The following GLIS3 variants were observed in gnomAD, a reference collection of about 807,000 sequenced individuals.
The protein encoded by GLIS3 is GLIS family zinc finger 3, also known as zinc finger protein GLIS3.
A neutral mutation model predicts 78.6 loss-of-function variants in GLIS3; 53 were observed. The ratio of observed to expected loss-of-function variants is 0.67; its 90% CI spans 0.54 to 0.85. The LOEUF (loss-of-function observed/expected upper bound fraction) is 0.85, where lower values mean the gene tolerates loss of function less well. GLIS3 is among the 40% of genes least tolerant of loss of function. The pLI, the probability that GLIS3 is intolerant of heterozygous loss-of-function variation, is 0.00. For synonymous variants in GLIS3, 684 were observed against 509.9 expected, an observed-to-expected ratio of 1.34 and a Z score of -4.60; for missense variants, 1,703 against 1,231.1, an observed-to-expected ratio of 1.38 and a Z score of -5.74.
At chr9:4,089,831 A>G (rs1829343385) in intron 4 of GLIS3, among the ~76,000 whole-genome samples, 1 of 152,174 alleles carries the variant, frequency 6.6e-6, no homozygotes, top group Non-Finnish European at 1.5e-5. Context: ...CAACAACAAA[A>G]ACCCATAAAA....
the GLIS3 span, among the ~76,000 whole-genome samples, chr9:4,418,897 CCTT>C: frequency 1.6e-3 from 248 of 152,226 alleles, 1 homozygote; most frequent in South Asian, 0.024. Context: ...AACATTCAAA[CCTT>C]CTTCAAGTTG....
chr9:4,463,152 G>C, the GLIS3 span, among the ~76,000 whole-genome samples: 2 of 152,182 alleles, frequency 1.3e-5, no homozygotes, highest in South Asian at 2.1e-4. Context: ...CAGTGAATAT[G>C]TTGGTTGTCA....
chr9:4,244,541 T>C (rs1005003841), intron 2 of GLIS3, among the ~76,000 whole-genome samples: 5 of 152,250 alleles, frequency 3.3e-5, no homozygotes, highest in African/African-American at 9.6e-5. Flanking sequence ...CTGAATCAGA[T>C]GTGAGGTAGA....
chr9:4,187,600 T>A (rs754229048), intron 2 of GLIS3, among the ~76,000 whole-genome samples: 1 of 152,244 alleles, frequency 6.6e-6, no homozygotes, highest in Non-Finnish European at 1.5e-5. Context: ...ATGGCCATTT[T>A]CCCGATATTG....
chr9:3,985,084 G>C (rs1819628566), intron 4 of GLIS3, among the ~76,000 whole-genome samples: 1 of 131,044 alleles, frequency 7.6e-6, no homozygotes, highest in South Asian at 2.4e-4. Context: ...GACTAGTACA[G>C]AGCTCAATTC....
intron 4 of GLIS3, among the ~76,000 whole-genome samples, chr9:4,039,027 G>A (rs614782): frequency 0.83 from 125,575 of 152,098 alleles, 52,096 homozygotes; most frequent in African/African-American, 0.91. Context: ...GGAATCATCC[G>A]TCTCTTACAA....
rs541904279 is a variant in GLIS3, at chr9:4,102,969, G to A, written c.1710+14799C>T. On this transcript the variant is annotated intron_variant, in intron 4 of 10. Transcript: ENST00000381971. ...GAGGCAATAGAAAGGAAAAATACATGTAAAATGAAAAAAAAATCCCTATCT... is the reference window on the plus strand; with the variant it reads ...GAGGCAATAGAAAGGAAAAATACATATAAAATGAAAAAAAAATCCCTATCT... 1.2e-3 allele frequency among the ~76,000 whole-genome samples: 186 copies of A among 151,830 alleles called. 7 individuals carry two copies. In the South Asian group the frequency reaches 0.036, roughly 30 times the overall value.
the GLIS3 span, among the ~76,000 whole-genome samples, chr9:4,354,633 A>C: frequency 1.3e-5 from 2 of 152,186 alleles, no homozygotes; most frequent in Non-Finnish European, 2.9e-5. Context: ...TGCACTATTC[A>C]AGGGGCTTTC....
At chr9:3,991,799 T>C (rs941562007) in intron 4 of GLIS3, among the ~76,000 whole-genome samples, 1 of 149,748 alleles carries the variant, frequency 6.7e-6, no homozygotes, top group South Asian at 2.1e-4. Context: ...CATGCCATTC[T>C]CCTGCCTCAG....
intron 4 of GLIS3, among the ~76,000 whole-genome samples, chr9:4,048,476 C>T (rs911713405): frequency 6.6e-5 from 10 of 152,116 alleles, no homozygotes; most frequent in African/African-American, 2.4e-4. Flanking sequence ...ATAAGCCATT[C>T]TCATAAATAG....
chr9:3,928,677 G>A (rs962378564), intron 6 of GLIS3, among the ~76,000 whole-genome samples: 7 of 152,150 alleles, frequency 4.6e-5, no homozygotes, highest in Admixed American at 6.5e-5. Context: ...TGTTCTCTAC[G>A]TAGGACATAT....
chr9:4,292,730 G>A (rs574188226), intron 1 of GLIS3, among the ~76,000 whole-genome samples: 88 of 152,226 alleles, frequency 5.8e-4, no homozygotes, highest in African/African-American at 2.0e-3. Context: ...CGAAAATTTT[G>A]GATCTTTTTC....
intron 2 of GLIS3, among the ~76,000 whole-genome samples, chr9:4,323,140 A>G (rs1392676250): frequency 6.6e-6 from 1 of 152,162 alleles, no homozygotes; most frequent in Non-Finnish European, 1.5e-5. Flanking sequence ...ATGGCTAGCC[A>G]GTTTTCCCAG....
intron 4 of GLIS3, among the ~76,000 whole-genome samples, chr9:4,031,685 C>T (rs1823845586): frequency 1.3e-5 from 2 of 151,868 alleles, no homozygotes; most frequent in South Asian, 4.2e-4. Flanking sequence ...AAACAAAAAC[C>T]AAAAAGATGG....
At chr9:4,155,040 A>G (rs1834950085) in intron 2 of GLIS3, among the ~76,000 whole-genome samples, 1 of 152,224 alleles carries the variant, frequency 6.6e-6, no homozygotes, top group Non-Finnish European at 1.5e-5. Context: ...AATAAGGCAC[A>G]AGACACATGC....
chr9:4,221,241 G>A (rs901327994), intron 2 of GLIS3, among the ~76,000 whole-genome samples: 2 of 152,088 alleles, frequency 1.3e-5, no homozygotes, highest in Non-Finnish European at 2.9e-5. Flanking sequence ...CAGAAATGAG[G>A]TAAAATGTTA....
chr9:4,163,244 G>GCACA (rs59165297), intron 2 of GLIS3, among the ~76,000 whole-genome samples: 2,224 of 151,640 alleles, frequency 0.015, 25 homozygotes, highest in South Asian at 0.051. Context: ...ATGTGCACTG[G>GCACA]CACACACACA....
the GLIS3 span, among the ~76,000 whole-genome samples, chr9:4,480,552 C>G: frequency 3.9e-5 from 6 of 152,086 alleles, no homozygotes; most frequent in African/African-American, 1.4e-4. Flanking sequence ...TATTCTTTCT[C>G]AATAATCCTC....
chr9:4,292,049 C>T lies in GLIS3; in HGVS notation c.-98-5526G>A, dbSNP rs772321498. ...TATAAGAAATCACACAAAATGAAAA[C>T]GAACTTGGAACCAAAAAGATTTTTA... On this transcript the variant is annotated intron_variant, in intron 1 of 10. Coordinates refer to ENST00000381971, the MANE Select transcript of GLIS3 (RefSeq NM_001042413.2). Among the ~76,000 whole-genome samples the T allele has an allele frequency of 4.0e-4, 61 of 152,006 alleles. 1 individual carries two copies. Among genetic ancestry groups the T allele is most frequent in the Middle Eastern group, 3.2e-3 (1 of 316 alleles).
Sources: gnomAD v4.1 joint callset for allele counts (sites outside exome capture counted in the v4.1 genomes callset) on GRCh38, gnomAD v4.1.1 for gene constraint, MANE v1.5 for transcripts, NCBI Gene and HGNC (gene_info 2026-07-23, HGNC 2026-07-21) for gene names.